Variants in UCK2 observed in about 807,000 individuals in gnomAD.
UCK2 encodes the protein cytidine monophosphokinase 2.
Under a neutral mutation model 30.8 loss-of-function variants are expected in UCK2, and 6 were observed. The observed-to-expected ratio is 0.19, with a 90% CI of 0.11 to 0.38. The LOEUF is 0.38. UCK2 is among the 10% of genes least tolerant of loss of function. UCK2 has a pLI of 1.00. For missense variants in UCK2, 210 were observed against 339.8 expected (o/e 0.62, Z 3.00); for synonymous variants, 125 against 133.6 (o/e 0.94, Z 0.45).
intron 1 of UCK2, among the ~76,000 whole-genome samples, chr1:165,866,415 T>G (rs1655048516): frequency 6.6e-6 from 1 of 152,196 alleles, no homozygotes; most frequent in Admixed American, 6.5e-5. Context: ...ATTGAGGGCT[T>G]GGCACTGGAA....
chr1:165,872,139 A>G (rs543529977), intron 1 of UCK2, among the ~76,000 whole-genome samples: 1 of 152,022 alleles, frequency 6.6e-6, no homozygotes, highest in Non-Finnish European at 1.5e-5. Context: ...CAGTGGTGCA[A>G]TCTCAGCTCA....
intron 1 of UCK2, among the ~76,000 whole-genome samples, chr1:165,845,572 T>C (rs1654427210): frequency 6.6e-6 from 1 of 152,164 alleles, no homozygotes; most frequent in African/African-American, 2.4e-5. Flanking sequence ...TAAATATCAG[T>C]CTCCTTGAGA....
intron 1 of UCK2, among the ~76,000 whole-genome samples, chr1:165,875,812 C>T (rs983772601): frequency 1.3e-5 from 2 of 152,160 alleles, no homozygotes; most frequent in African/African-American, 2.4e-5. Context: ...TGCCACCCTC[C>T]AGGAACCTCC....
At chr1:165,875,316 C>T (rs985263982) in intron 1 of UCK2, among the ~76,000 whole-genome samples, 1 of 152,172 alleles carries the variant, frequency 6.6e-6, no homozygotes, top group African/African-American at 2.4e-5. Context: ...CCTGTGTGCC[C>T]TGCCCAGCCT....
chr1:165,831,920 C>T (rs1237338199), intron 1 of UCK2, among the ~76,000 whole-genome samples: 1 of 152,128 alleles, frequency 6.6e-6, no homozygotes, highest in Non-Finnish European at 1.5e-5. Context: ...CATGTGCCAC[C>T]AGGCCTGGCT....
intron 1 of UCK2, among the ~76,000 whole-genome samples, chr1:165,887,670 C>T (rs556687520): frequency 9.2e-5 from 14 of 151,990 alleles, no homozygotes; most frequent in Non-Finnish European, 1.6e-4. Context: ...AACCTTAGGA[C>T]GTAAGAAACG....
intron 3 of UCK2, chr1:165,894,075 A>G (rs1655832748): frequency 6.6e-6 from 1 of 152,210 alleles, no homozygotes; most frequent in Non-Finnish European, 1.5e-5. Flanking sequence ...TTTTCATGTT[A>G]GGGAGGCTCA....
At chr1:165,869,649 C>A in intron 1 of UCK2, among the ~76,000 whole-genome samples, 1 of 132,752 alleles carries the variant, frequency 7.5e-6, no homozygotes, top group Non-Finnish European at 1.6e-5. Flanking sequence ...AAGAGAATCT[C>A]ATCATGGGCC....
At chr1:165,886,843 A>ATC (rs1655627881) in intron 1 of UCK2, among the ~76,000 whole-genome samples, 1 of 152,196 alleles carries the variant, frequency 6.6e-6, no homozygotes. Flanking sequence ...AGGATGATAT[A>ATC]ACCAAACCCT....
At chr1:165,899,428 A>T (rs917257395) in intron 4 of UCK2, among the ~76,000 whole-genome samples, 2 of 152,094 alleles carry the variant, frequency 1.3e-5, no homozygotes, top group African/African-American at 4.8e-5. Context: ...GCCTTGGGGG[A>T]TTCAGCCCAT....
In UCK2 at chr1:165,871,472, A is replaced by G. The variant is rs367699024; in HGVS notation, c.100-18732A>G. ...AGGGACACAGCTGCAGGTCTTTTGT[A>G]ACGCTCTGTATATGCACAGGAAGTC... On this transcript the variant is annotated intron_variant, in intron 1 of 6. Coordinates refer to ENST00000367879, the MANE Select transcript of UCK2 (RefSeq NM_012474.5). Among the ~76,000 whole-genome samples the G allele has an allele frequency of 2.6e-5, 4 of 152,140 alleles. No homozygotes were observed. In the East Asian group the frequency reaches 5.8e-4, roughly 22 times the overall value.
chr1:165,895,922 A>C, intron 3 of UCK2: 1 of 339,528 alleles, frequency 2.9e-6, no homozygotes, highest in East Asian at 5.0e-5. Flanking sequence ...AATTCCAAGG[A>C]GAAGGATGTC....
chr1:165,839,857 C>T (rs958319279), intron 1 of UCK2, among the ~76,000 whole-genome samples: 3 of 152,256 alleles, frequency 2.0e-5, no homozygotes, highest in Non-Finnish European at 4.4e-5. Context: ...GGGCCGGTCA[C>T]TTGCCGGTAC....
chr1:165,845,723 A>C (rs895981513), intron 1 of UCK2, among the ~76,000 whole-genome samples: 3 of 152,192 alleles, frequency 2.0e-5, no homozygotes, highest in African/African-American at 4.8e-5. Flanking sequence ...ACTGGAGTGC[A>C]GTGGCATGAT....
At chr1:165,880,561 TTGGGGGTG>T (rs939204333) in intron 1 of UCK2, among the ~76,000 whole-genome samples, 3 of 77,712 alleles carry the variant, frequency 3.9e-5, no homozygotes, top group East Asian at 3.8e-4. Flanking sequence ...TCAGTTTTTT[TTGGGGGTG>T]TGTGTGTGTG....
At chr1:165,881,182 T>TA (rs56886913) in intron 1 of UCK2, among the ~76,000 whole-genome samples, 27,808 of 92,614 alleles carry the variant, frequency 0.3, 3,969 homozygotes, top group East Asian at 0.45. Context: ...CAATAAAACT[T>TA]AAAAAAAAAA....
In UCK2 at chr1:165,874,496, A is replaced by G. The variant is rs534583507; in HGVS notation, c.100-15708A>G. 2.6e-5 allele frequency among the ~76,000 whole-genome samples: 4 copies of G among 152,276 alleles called. No homozygotes were observed. The South Asian group carries it at 8.3e-4, about 32-fold the overall frequency. ...TTTCATTTAGCATCCTCCCCCTGGC[A>G]GCCTCCCAAAACAAAGGTCTCCATC... On this transcript the variant is annotated intron_variant, in intron 1 of 6. Coordinates refer to ENST00000367879, the MANE Select transcript of UCK2 (RefSeq NM_012474.5).
At chr1:165,858,031 G>A (rs780926558) in intron 1 of UCK2, among the ~76,000 whole-genome samples, 4 of 152,148 alleles carry the variant, frequency 2.6e-5, no homozygotes, top group African/African-American at 7.2e-5. Context: ...AGTAAGCATG[G>A]TATTAGGATT....
At chr1:165,889,871 T>G (rs1411534865) in intron 1 of UCK2, among the ~76,000 whole-genome samples, 1 of 151,976 alleles carries the variant, frequency 6.6e-6, no homozygotes, top group East Asian at 1.9e-4. Flanking sequence ...GGCCCCAGTG[T>G]GTGTTGTTCC....
Sources: gnomAD v4.1 joint callset for allele counts (sites outside exome capture counted in the v4.1 genomes callset) on GRCh38, gnomAD v4.1.1 for gene constraint, MANE v1.5 for transcripts, NCBI Gene and HGNC (gene_info 2026-07-23, HGNC 2026-07-21) for gene names.